Variants in VPS13D observed in about 807,000 individuals in gnomAD.
VPS13D encodes vacuolar protein sorting 13 homolog D, also known as intermembrane lipid transfer protein VPS13D.
In VPS13D, 187 loss-of-function variants were observed where a neutral mutation model predicts 461.9. That is an observed-to-expected ratio of 0.40 (90% CI 0.36 to 0.46). VPS13D has a LOEUF of 0.46. VPS13D is among the 20% of genes least tolerant of loss of function. The probability of loss-of-function intolerance (pLI) is 0.60; values close to 1 mark genes in which losing one functional copy is unlikely to be tolerated. For synonymous variants in VPS13D, 1,951 were observed against 1,986.3 expected (o/e 0.98, Z 0.47); for missense variants, 4,711 against 5,364.9 (o/e 0.88, Z 3.81).
At chr1:12,430,165 C>T (rs1644973409) in intron 65 of VPS13D, among the ~76,000 whole-genome samples, 1 of 152,146 alleles carries the variant, frequency 6.6e-6, no homozygotes, top group Non-Finnish European at 1.5e-5. Flanking sequence ...GAGCAAGGAT[C>T]ATGCCAAAGT....
At chr1:12,281,900 T>TG (rs1641795446) in intron 20 of VPS13D, among the ~76,000 whole-genome samples, 1 of 152,080 alleles carries the variant, frequency 6.6e-6, no homozygotes, top group Non-Finnish European at 1.5e-5. Context: ...TTTTTTTTTT[T>TG]TTTTTGAGAC....
chr1:12,303,492 G>T (rs1008231774), intron 25 of VPS13D, among the ~76,000 whole-genome samples: 41 of 152,316 alleles, frequency 2.7e-4, no homozygotes, highest in African/African-American at 9.9e-4. Context: ...AAGTGAGAGG[G>T]AAAGGTTTTA....
chr1:12,286,450 C>G (rs1301995994), intron 21 of VPS13D, among the ~76,000 whole-genome samples: 1 of 152,196 alleles, frequency 6.6e-6, no homozygotes, highest in Non-Finnish European at 1.5e-5. Flanking sequence ...TCTTTTAAAT[C>G]TCTTTTAATT....
At chr1:12,432,616 T>TC (rs1645006945) in intron 65 of VPS13D, among the ~76,000 whole-genome samples, 1 of 151,730 alleles carries the variant, frequency 6.6e-6, no homozygotes, top group African/African-American at 2.4e-5. Flanking sequence ...TCCCTTTTTT[T>TC]TTTTTTTTTA....
At position 12,353,826 on chromosome 1, in the gene VPS13D, A is replaced by G. The variant is rs933791794; in HGVS notation, c.9432-148A>G. On this transcript the variant is annotated intron_variant, in intron 46 of 69. Coordinates refer to ENST00000620676, the MANE Select transcript of VPS13D (RefSeq NM_015378.4). ...TCTATACATATTATTGTGCATTTAT[A>G]TCTTAATAAATGTATTTGGATTGAA... 6 of 803,306 alleles carry G rather than the reference A, an allele frequency of 7.5e-6. No individual in the cohort carries two copies. The African/African-American group carries it at 8.7e-5, about 12-fold the overall frequency. 49.8% of individuals were successfully genotyped at this position (803,306 alleles called of 1,614,324 possible). A position where few individuals can be genotyped will look rare whatever the true frequency, so the allele number is the denominator to read the frequency against.
chr1:12,352,815 A>G (rs1165423257), intron 46 of VPS13D, among the ~76,000 whole-genome samples: 1 of 151,836 alleles, frequency 6.6e-6, no homozygotes, highest in Non-Finnish European at 1.5e-5. Context: ...AATACAACAA[A>G]TTAGCCAGAC....
chr1:12,267,010 C>T lies in VPS13D; in HGVS notation c.1724C>T (p.Pro575Leu). ...TMFPLLVFPN[P>L]QKEVGRVSQS... ...TTTCCTCTTCTAGTCTTCCCTAATC[C>T]AGTATGTACAACAGTTGGATAGTTA... Residue 575 changes from proline (P) to leucine (L), a missense_variant and splice_region_variant, in exon 14 of 70, where the codon CCA becomes CTA. Coordinates refer to ENST00000620676, the MANE Select transcript of VPS13D (RefSeq NM_015378.4). 1 of 1,589,448 alleles carries T rather than the reference C, an allele frequency of 6.3e-7. No individual in the cohort carries two copies. The highest frequency in any genetic ancestry group is 8.5e-7 in the Non-Finnish European group (1 of 1,171,506).
intron 5 of VPS13D, among the ~76,000 whole-genome samples, chr1:12,244,873 C>T (rs372150057): frequency 2.6e-4 from 40 of 152,288 alleles, no homozygotes; most frequent in African/African-American, 8.2e-4. Flanking sequence ...TCTTCCATTT[C>T]ACTTCCCGCA....
chr1:12,342,836 G>T, intron 41 of VPS13D, 63 bp from the exon 42 acceptor site: 3 of 1,534,382 alleles, frequency 2.0e-6, no homozygotes, highest in Non-Finnish European at 2.7e-6. Context: ...TCTGCACGGG[G>T]CTCCTGTGAG....
intron 46 of VPS13D, among the ~76,000 whole-genome samples, chr1:12,351,570 G>A (rs767786510): frequency 4.0e-5 from 6 of 151,422 alleles, no homozygotes; most frequent in Non-Finnish European, 5.9e-5. Flanking sequence ...GATTACAGGC[G>A]TGAGCCACCG....
intron 65 of VPS13D, among the ~76,000 whole-genome samples, chr1:12,417,289 A>G (rs1328993574): frequency 6.6e-6 from 1 of 152,234 alleles, no homozygotes; most frequent in African/African-American, 2.4e-5. Flanking sequence ...CAGCAGATGG[A>G]CAGTGATGTC....
intron 27 of VPS13D, among the ~76,000 whole-genome samples, chr1:12,310,849 C>CTCCTTCCT (rs1557701349): frequency 2.4e-5 from 2 of 83,328 alleles, no homozygotes; most frequent in Non-Finnish European, 5.9e-5. Context: ...CCCTCCTTCC[C>CTCCTTCCT]TCCTTCCTTC....
intron 63 of VPS13D, among the ~76,000 whole-genome samples, chr1:12,414,592 T>C (rs114909287): frequency 0.029 from 4,368 of 152,166 alleles, 113 homozygotes; most frequent in African/African-American, 0.063. Flanking sequence ...GTCATCACTG[T>C]GGTTGTCTTT....
chr1:12,313,299 C>CT (rs765170972), intron 29 of VPS13D, among the ~76,000 whole-genome samples: 2,939 of 117,572 alleles, frequency 0.025, 187 homozygotes, highest in African/African-American at 0.059. Flanking sequence ...TTATTCTTTC[C>CT]TTTTTTTTTT....
In VPS13D at chr1:12,244,565, A is replaced by C. The variant is rs1319836339; in HGVS notation, c.395A>C (p.Tyr132Ser). The C allele has an allele frequency of 6.2e-7, 1 of 1,614,096 alleles. No homozygotes were observed. Among genetic ancestry groups the C allele is most frequent in the African/African-American group, 1.3e-5 (1 of 74,940 alleles). The stretch of plus-strand genomic sequence containing the variant: ...GACCGCCAGCAGAAAGGGGAGTCCT[A>C]TTGGTATTCAGTTACCGCCTCCGTA... ...KNDRQQKGESYWYSVTASVVT... is the reference protein window; with the variant it reads ...KNDRQQKGESSWYSVTASVVT... Residue 132 changes from tyrosine (Y) to serine (S), a missense_variant, in exon 5 of 70, where the codon TAT (tyrosine) becomes TCT (serine). By Grantham distance (144) the Tyr-to-Ser change is moderately radical. Transcript: ENST00000620676.
rs540082212 is a variant in VPS13D at position 12,318,211 on chromosome 1, C to A, written c.7288C>A (p.Arg2430Ser). Residue 2430 changes from arginine (R) to serine (S), a missense_variant, in exon 31 of 70, where the codon CGC (arginine) becomes AGC (serine). Arg to Ser is a moderately radical substitution (Grantham distance 110, BLOSUM62 -1). Around this residue, in one of 3 missense-constraint regions of VPS13D, gnomAD observed 4,411 missense variants for 4,937.8 expected, o/e 0.89. Coordinates refer to ENST00000620676, the MANE Select transcript of VPS13D (RefSeq NM_015378.4). ...IKKQNHVTPS[R>S]HRNSSSESAI... ...GAAACAAAATCATGTTACTCCTTCT[C>A]GCCACCGTAACTCTAGCAGCGAATC... The A allele has an allele frequency of 6.2e-7, 1 of 1,614,168 alleles. No individual in the cohort carries two copies.
intron 38 of VPS13D, among the ~76,000 whole-genome samples, chr1:12,333,940 CAATAT>C (rs558222478): frequency 6.6e-6 from 1 of 152,164 alleles, no homozygotes; most frequent in Non-Finnish European, 1.5e-5. Flanking sequence ...AAAAGGAAAG[CAATAT>C]AATCATACAA....
At chr1:12,357,243 C>T (rs796437045) in intron 49 of VPS13D, among the ~76,000 whole-genome samples, 29 of 152,328 alleles carry the variant, frequency 1.9e-4, no homozygotes, top group African/African-American at 6.0e-4. Flanking sequence ...AGAAAGTCTT[C>T]TGGGGTACCA....
rs1486594080 is a variant in VPS13D, at chr1:12,482,714, C to T, written c.12663-14786C>T. Among the ~76,000 whole-genome samples the T allele has an allele frequency of 8.4e-4, 121 of 144,788 alleles. 1 individual carries two copies. The Admixed American group carries it at 8.8e-3, about 11-fold the overall frequency. The allele number at this position is 144,788 out of a possible 152,430, so 95.0% of individuals were successfully genotyped here. A position where few individuals can be genotyped will look rare whatever the true frequency, so the allele number is the denominator to read the frequency against. On this transcript the variant is annotated intron_variant, in intron 67 of 69. Transcript: ENST00000620676. ...ATAATGGTAACCCCACCAGACATCT[C>T]TATGGGTATATATGTGTATATACAC...
Sources: allele counts gnomAD v4.1 joint callset (sites outside exome capture counted in the v4.1 genomes callset), GRCh38; gene constraint gnomAD v4.1.1; regional missense constraint gnomAD v4.1.1; transcripts MANE v1.5; gene names NCBI Gene and HGNC (gene_info 2026-07-23, HGNC 2026-07-21).